VTI1A: variants seen among roughly 807,000 people sequenced by gnomAD.
VTI1A encodes the protein vesicle transport through interaction with t-SNAREs homolog 1A.
In VTI1A, 22 loss-of-function variants were observed where a neutral mutation model predicts 34.9. That is an observed-to-expected ratio of 0.63 (90% confidence interval 0.45 to 0.90). The LOEUF (loss-of-function observed/expected upper bound fraction) is 0.90. Among genes scored for constraint, VTI1A ranks in the 40% least tolerant of loss-of-function variants. VTI1A has a pLI of 0.00. For missense variants in VTI1A, 268 were observed against 275.6 expected, an observed-to-expected ratio of 0.97 and a Z score of 0.20; for synonymous variants, 87 against 97.3, an observed-to-expected ratio of 0.89 and a Z score of 0.62.
chr10:112,722,916 A>G (rs902437520), intron 7 of VTI1A, among the ~76,000 whole-genome samples: 1 of 152,178 alleles, frequency 6.6e-6, no homozygotes, highest in African/African-American at 2.4e-5. Flanking sequence ...TAGCATTTCT[A>G]TTATCAATTC....
chr10:112,641,414 C>G (rs9787556), intron 5 of VTI1A, among the ~76,000 whole-genome samples: 102,703 of 151,954 alleles, frequency 0.68, 36,320 homozygotes, highest in Non-Finnish European at 0.79. Context: ...CCACTCGCCG[C>G]GGCTAGGAAA....
intron 5 of VTI1A, among the ~76,000 whole-genome samples, chr10:112,658,411 C>T (rs1208000851): frequency 1.3e-5 from 2 of 152,014 alleles, no homozygotes; most frequent in Non-Finnish European, 2.9e-5. Context: ...CTTTTACAGC[C>T]CACATTTGTT....
At chr10:112,715,438 A>G (rs1849573082) in intron 7 of VTI1A, among the ~76,000 whole-genome samples, 1 of 152,202 alleles carries the variant, frequency 6.6e-6, no homozygotes, top group African/African-American at 2.4e-5. Flanking sequence ...TCTTTGTTAA[A>G]ACCTTAGTAA....
chr10:112,459,562 A>G (rs1013580727), intron 1 of VTI1A, among the ~76,000 whole-genome samples: 2 of 152,138 alleles, frequency 1.3e-5, no homozygotes, highest in Non-Finnish European at 1.5e-5. Flanking sequence ...TGGAGATAGC[A>G]TTTTCATTGT....
intron 7 of VTI1A, among the ~76,000 whole-genome samples, chr10:112,719,314 T>C (rs1464575908): frequency 1.3e-5 from 2 of 152,236 alleles, no homozygotes; most frequent in African/African-American, 2.4e-5. Flanking sequence ...CAGTTGAATG[T>C]ACAAAGCAAT....
intron 5 of VTI1A, among the ~76,000 whole-genome samples, chr10:112,653,183 A>T (rs1303950976): frequency 6.6e-6 from 1 of 152,112 alleles, no homozygotes; most frequent in African/African-American, 2.4e-5. Context: ...TGGAGAGGAT[A>T]TTTTCTGTCC....
At chr10:112,471,973 G>A (rs556360238) in intron 3 of VTI1A, among the ~76,000 whole-genome samples, 6 of 152,294 alleles carry the variant, frequency 3.9e-5, no homozygotes, top group Admixed American at 3.3e-4. Context: ...CAAGTAAGTG[G>A]TGTGCTGGTA....
intron 7 of VTI1A, among the ~76,000 whole-genome samples, chr10:112,806,787 A>G (rs374701050): frequency 4.0e-4 from 60 of 151,614 alleles, no homozygotes; most frequent in African/African-American, 1.4e-3. Context: ...GGGTCTCTCT[A>G]TGTTGCCCAG....
At chr10:112,677,001 AT>A (rs1338438410) in intron 7 of VTI1A, among the ~76,000 whole-genome samples, 2 of 152,130 alleles carry the variant, frequency 1.3e-5, no homozygotes, top group South Asian at 2.1e-4. Context: ...GAATATAGCG[AT>A]TTTTTCATTC....
At chr10:112,474,308 C>T (rs955106489) in intron 3 of VTI1A, among the ~76,000 whole-genome samples, 1 of 152,178 alleles carries the variant, frequency 6.6e-6, no homozygotes, top group African/African-American at 2.4e-5. Context: ...CCTCCTTGGC[C>T]TCCCAAAGTG....
At chr10:112,520,631 G>A (rs922963790) in intron 3 of VTI1A, among the ~76,000 whole-genome samples, 31 of 117,750 alleles carry the variant, frequency 2.6e-4, no homozygotes, top group South Asian at 3.9e-4. Flanking sequence ...ATGTGTGTGT[G>A]TGTGTGTGTG....
chr10:112,842,616 T>C, the VTI1A span, among the ~76,000 whole-genome samples: 1 of 152,226 alleles, frequency 6.6e-6, no homozygotes, highest in African/African-American at 2.4e-5. Context: ...ATAAAGGTCC[T>C]TCAGCTCCAA....
At chr10:112,832,795 A>G in the VTI1A span, among the ~76,000 whole-genome samples, 1 of 152,206 alleles carries the variant, frequency 6.6e-6, no homozygotes, top group Non-Finnish European at 1.5e-5. Context: ...TTGAAATGCA[A>G]GAGGCTCCTC....
chr10:112,832,856 C>T, the VTI1A span, among the ~76,000 whole-genome samples: 7 of 152,092 alleles, frequency 4.6e-5, no homozygotes, highest in Admixed American at 4.6e-4. Context: ...CCTGGCCCTG[C>T]AGTAATTCTG....
chr10:112,665,648 G>A (rs926824070), intron 5 of VTI1A, among the ~76,000 whole-genome samples: 2 of 152,128 alleles, frequency 1.3e-5, no homozygotes, highest in Non-Finnish European at 2.9e-5. Context: ...TTCAGTAGCA[G>A]ACTGTAGGTC....
chr10:112,792,019 T>C (rs1282600660), intron 7 of VTI1A, among the ~76,000 whole-genome samples: 2 of 152,162 alleles, frequency 1.3e-5, no homozygotes, highest in African/African-American at 2.4e-5. Context: ...CTCACGCCTG[T>C]AATCCCAGCA....
At chr10:112,553,041 C>T (rs554209599) in intron 5 of VTI1A, among the ~76,000 whole-genome samples, 4 of 152,204 alleles carry the variant, frequency 2.6e-5, no homozygotes, top group African/African-American at 4.8e-5. Flanking sequence ...ATGAACTAAT[C>T]GTCTCACATC....
At chr10:112,593,171 C>G (rs149379836) in intron 5 of VTI1A, among the ~76,000 whole-genome samples, 1 of 152,198 alleles carries the variant, frequency 6.6e-6, no homozygotes, top group Non-Finnish European at 1.5e-5. Context: ...TTTCAACCCT[C>G]GCTCAACATT....
intron 7 of VTI1A, among the ~76,000 whole-genome samples, chr10:112,686,579 G>A (rs896874711): frequency 6.6e-6 from 1 of 152,252 alleles, no homozygotes; most frequent in South Asian, 2.1e-4. Flanking sequence ...AATGAATTCC[G>A]ACGTGCTAGT....
Sources: allele counts gnomAD v4.1 joint callset (sites outside exome capture counted in the v4.1 genomes callset), GRCh38; gene constraint gnomAD v4.1.1; transcripts MANE v1.5; gene names NCBI Gene and HGNC (gene_info 2026-07-23, HGNC 2026-07-21).